The following NAV1 variants were observed in gnomAD, a reference collection of about 807,000 sequenced individuals.
NAV1 encodes pore membrane and/or filament interacting like protein 3.
A neutral mutation model predicts 175.2 loss-of-function variants in NAV1; 18 were observed. The ratio of observed to expected loss-of-function variants is 0.10; its 90% CI spans 0.07 to 0.15. The LOEUF (loss-of-function observed/expected upper bound fraction) is 0.15, where lower values mean the gene tolerates loss of function less well. Ranked by LOEUF, NAV1 falls within the 10% of genes least tolerant of loss-of-function variation. The pLI is 1.00. For synonymous variants in NAV1, 897 were observed against 978.7 expected, an observed-to-expected ratio of 0.92 and a Z score of 1.56; for missense variants, 1,731 against 2,436.6, an observed-to-expected ratio of 0.71 and a Z score of 6.10.
intron 1 of NAV1, among the ~76,000 whole-genome samples, 159 bp from the exon 2 acceptor site, chr1:201,588,379 GC>G (rs1483741283): frequency 2.0e-5 from 3 of 152,160 alleles, no homozygotes; most frequent in African/African-American, 7.2e-5. Context: ...ATAGGGTCTT[GC>G]TCTGCTGCCC....
chr1:201,671,105 A>C (rs1670028950), intron 1 of NAV1, among the ~76,000 whole-genome samples: 1 of 152,178 alleles, frequency 6.6e-6, no homozygotes, highest in Non-Finnish European at 1.5e-5. Context: ...ATGATGTCTA[A>C]AGGACCTACT....
chr1:201,570,075 G>C (rs1666485376), intron 1 of NAV1, among the ~76,000 whole-genome samples: 1 of 152,170 alleles, frequency 6.6e-6, no homozygotes, highest in South Asian at 2.1e-4. Flanking sequence ...AGGCACTATA[G>C]TCATCCGGGG....
intron 1 of NAV1, among the ~76,000 whole-genome samples, chr1:201,544,641 G>A (rs1311988726): frequency 2.6e-5 from 4 of 152,168 alleles, no homozygotes; most frequent in Non-Finnish European, 4.4e-5. Flanking sequence ...TCAGGGATAT[G>A]ACTTCCACCC....
chr1:201,543,750 C>A (rs917394168), intron 1 of NAV1, among the ~76,000 whole-genome samples: 2 of 152,152 alleles, frequency 1.3e-5, no homozygotes, highest in East Asian at 3.9e-4. Flanking sequence ...GTTGTATAAC[C>A]ATCACCTGTA....
intron 1 of NAV1, among the ~76,000 whole-genome samples, chr1:201,686,132 C>T (rs1330281321): frequency 1.3e-5 from 2 of 152,106 alleles, no homozygotes; most frequent in African/African-American, 4.8e-5. Flanking sequence ...GGGACAGCTG[C>T]CTGGCCCTTC....
Position 201,541,673 on chromosome 1 carries a change from C to T in NAV1, c.-144+2331C>T, listed in dbSNP as rs367743209. On this transcript the variant is annotated intron_variant, in intron 1 of 33. Transcript: ENST00000685211. ...CCTGTAATCCCAGCTACTCGTGAGG[C>T]TGAGACAGGAGAATTGCTTGAACCC... Among the ~76,000 whole-genome samples the T allele has an allele frequency of 8.4e-4, 128 of 152,300 alleles. 1 individual carries two copies. The Middle Eastern group carries it at 0.014, about 16-fold the overall frequency.
intron 3 of NAV1, among the ~76,000 whole-genome samples, chr1:201,773,446 T>G (rs1006257316): frequency 1.3e-5 from 2 of 152,220 alleles, no homozygotes; most frequent in Non-Finnish European, 2.9e-5. Flanking sequence ...CTGATTATAT[T>G]CAGTGCATGT....
intron 1 of NAV1, among the ~76,000 whole-genome samples, chr1:201,692,464 T>C (rs922292037): frequency 8.5e-5 from 13 of 152,218 alleles, no homozygotes; most frequent in African/African-American, 2.9e-4. Flanking sequence ...TGTCTGCCTT[T>C]CCAGGGAAAA....
intron 3 of NAV1, chr1:201,723,964 A>G (rs1260126708): frequency 6.6e-6 from 1 of 152,166 alleles, no homozygotes; most frequent in Non-Finnish European, 1.5e-5. Flanking sequence ...GAAAAAGAAA[A>G]AGTCCCTAGC....
intron 1 of NAV1, among the ~76,000 whole-genome samples, chr1:201,703,558 C>A (rs1671535660): frequency 1.3e-5 from 2 of 152,248 alleles, no homozygotes. Context: ...CCACAGTCCT[C>A]CGCATGGACC....
At chr1:201,819,976 A>G in exon 30 of NAV1, 1 of 1,573,472 alleles carries the variant, frequency 6.4e-7, no homozygotes, top group Non-Finnish European at 8.7e-7. Flanking sequence ...GAACGCTGGC[A>G]TCAGCTATCT....
rs1678740277 is a variant in NAV1, at chr1:201,812,300, C to T, written c.5025-165C>T. Among the ~76,000 whole-genome samples, 1 of 152,156 alleles carries T rather than the reference C, an allele frequency of 6.6e-6. No homozygotes were observed. The highest frequency in any genetic ancestry group is 2.1e-4 in the South Asian group (1 of 4,828). ...CCAATTTGAGAATCAGCTCTACCAC[C>T]CCAGGGCTGCTGCTCTGAGTTCCGA... On this transcript the variant is annotated intron_variant, in intron 26 of 29. Transcript: ENST00000367296. The surrounding 1 kb of genome is among the most constrained non-coding windows in gnomAD (Gnocchi z 4.6).
rs535158830 is a variant in NAV1, at chr1:201,539,703, C to T, written c.-144+361C>T. Among the ~76,000 whole-genome samples the T allele has an allele frequency of 6.6e-5, 10 of 152,272 alleles. No individual in the cohort carries two copies. Among genetic ancestry groups the T allele is most frequent in the African/African-American group, 2.2e-4 (9 of 41,566 alleles). ...TGCGTTGAGATCTTATCATGAGACA[C>T]CAGGTGCTGCGTTCTTATACTCGCA... On this transcript the variant is annotated intron_variant, in intron 1 of 33. Transcript: ENST00000685211. The surrounding 1 kb of genome is among the most constrained non-coding windows in gnomAD (Gnocchi z 5.6).
chr1:201,717,897 G>A (rs1278697768), intron 2 of NAV1, among the ~76,000 whole-genome samples: 1 of 152,142 alleles, frequency 6.6e-6, no homozygotes, highest in Non-Finnish European at 1.5e-5. Flanking sequence ...AATGACCAAG[G>A]CCTTCTAAGC....
exon 1 of NAV1, chr1:201,648,557 C>G (rs1466871207): frequency 1.4e-5 from 17 of 1,252,344 alleles, no homozygotes; most frequent in Non-Finnish European, 1.7e-5. Context: ...TTTCTTCCGT[C>G]CTCTCTCTCC....
intron 1 of NAV1, among the ~76,000 whole-genome samples, chr1:201,583,054 C>T (rs2102197341): frequency 6.6e-6 from 1 of 152,390 alleles, no homozygotes; most frequent in Middle Eastern, 3.4e-3. Flanking sequence ...GGGCTGGACC[C>T]AAGGCCTGGC....
chr1:201,758,853 A>G (rs191392604), intron 3 of NAV1, among the ~76,000 whole-genome samples: 2 of 150,896 alleles, frequency 1.3e-5, no homozygotes, highest in East Asian at 1.9e-4. Flanking sequence ...GTGGTTAAAA[A>G]CAGTCTTTAG....
chr1:201,743,749 A>AT (rs1673582245), intron 3 of NAV1, among the ~76,000 whole-genome samples: 1 of 152,094 alleles, frequency 6.6e-6, no homozygotes, highest in South Asian at 2.1e-4. Flanking sequence ...TATATCTCTG[A>AT]TTTTTACTTA....
At chr1:201,643,199 C>T (rs1006271626) in intron 2 of NAV1, among the ~76,000 whole-genome samples, 7 of 132,302 alleles carry the variant, frequency 5.3e-5, no homozygotes, top group Admixed American at 4.9e-4. Context: ...TCCTTCCTTC[C>T]TCCTTCCTTC....
Sources: allele counts gnomAD v4.1 joint callset (sites outside exome capture counted in the v4.1 genomes callset), GRCh38; gene constraint gnomAD v4.1.1; non-coding constraint Gnocchi (gnomAD v3.1); transcripts MANE v1.5; gene names NCBI Gene and HGNC (gene_info 2026-07-23, HGNC 2026-07-21).